DNAH10: variants seen among roughly 807,000 people sequenced by gnomAD.
DNAH10 encodes the protein dynein axonemal heavy chain 10.
Under a neutral mutation model 506.6 loss-of-function variants are expected in DNAH10, and 348 were observed. That is an observed-to-expected ratio of 0.69 (90% CI 0.63 to 0.75). DNAH10 has a LOEUF of 0.75. Among genes scored for constraint, DNAH10 ranks in the 30% least tolerant of loss-of-function variants. The pLI, the probability that DNAH10 is intolerant of heterozygous loss-of-function variation, is 0.00. For missense variants in DNAH10, 5,179 were observed against 5,787.1 expected, an observed-to-expected ratio of 0.89 and a Z score of 3.41; for synonymous variants, 2,059 against 2,198.6, an observed-to-expected ratio of 0.94 and a Z score of 1.78.
rs745458180 is a variant in DNAH10 at position 123,916,493 on chromosome 12, C to G, written c.10759C>G (p.Leu3587Val). ...SFNDPDFLKQLEMSIKYGTPF... is the reference protein window; with the variant it reads ...SFNDPDFLKQVEMSIKYGTPF... ...TAATGACCCTGACTTCCTCAAGCAGCTAGAGATGTCCATAAAGTACGGGAC... is the reference window on the plus strand; with the variant it reads ...TAATGACCCTGACTTCCTCAAGCAGGTAGAGATGTCCATAAAGTACGGGAC... Residue 3587 changes from leucine to valine, a missense_variant, in exon 63 of 79, where the codon CTA (leucine) becomes GTA (valine). Transcript: ENST00000673944. The surrounding 1 kb of genome is among the most constrained non-coding windows in gnomAD (Gnocchi z 4.6). The G allele has an allele frequency of 3.1e-6, 5 of 1,613,468 alleles. No homozygotes were observed. The highest frequency in any genetic ancestry group is 4.2e-6 in the Non-Finnish European group (5 of 1,179,710).
At position 123,875,371 on chromosome 12, in the gene DNAH10, A is replaced by C. The variant is rs992652399; in HGVS notation, c.8079A>C (p.Gly2693=). 2.5e-6 allele frequency: 4 copies of C among 1,614,042 alleles called. No homozygotes were observed. Reference sequence around the variant, plus strand: ...TTATTGCTGCAATGGGAAAGGCTGGAGGAGGCCGCAATGAAGTTGACCCAA... The same window carrying C: ...TTATTGCTGCAATGGGAAAGGCTGGCGGAGGCCGCAATGAAGTTGACCCAA... ...LGFIAAMGKA[G]GGRNEVDPRF... is the part of the protein sequence containing the mutation. Residue 2693 remains glycine (G), a synonymous_variant, in exon 47 of 79, where the codon GGA becomes GGC. Transcript: ENST00000673944.
intron 53 of DNAH10, 40 bp from the exon 54 acceptor site, chr12:123,894,603 C>T (rs1953136126): frequency 6.3e-7 from 1 of 1,588,684 alleles, no homozygotes; most frequent in African/African-American, 1.3e-5. Flanking sequence ...CCACATTGCC[C>T]AGGCTGGGAG....
intron 56 of DNAH10, 94 bp downstream of exon 56, chr12:123,898,908 G>A (rs1011728834): frequency 1.4e-6 from 2 of 1,444,920 alleles, no homozygotes; most frequent in Non-Finnish European, 1.8e-6. Flanking sequence ...ATCCCGAGCA[G>A]GACAGGGCTC....
chr12:123,923,722 G>T, intron 65 of DNAH10, 41 bp from the exon 66 acceptor site: 1 of 1,455,780 alleles, frequency 6.9e-7, no homozygotes, highest in Non-Finnish European at 9.4e-7. Flanking sequence ...TTTTAAAAAT[G>T]AATTTTAAGA....
rs1326774013 is a variant in DNAH10, at chr12:123,813,405, T to A, written c.3386T>A (p.Phe1129Tyr). Residue 1129 changes from phenylalanine (F) to tyrosine (Y), a missense_variant, in exon 20 of 79, where the codon TTT (phenylalanine) becomes TAT (tyrosine). Physicochemically the swap from Phe to Tyr is conservative, Grantham distance 22. Around this residue, in one of 3 missense-constraint regions of DNAH10, gnomAD observed 4,844 missense variants for 5,430.5 expected, o/e 0.89. Transcript: ENST00000673944. ...GACAAAGCTATTGTGATGGAGAAAT[T>A]TGCTGCCAAGAAACCTCCTTGTGTA... ...KLDKAIVMEK[F>Y]AAKKPPCVAY... 6.2e-7 allele frequency: 1 copy of A among 1,614,120 alleles called. No individual in the cohort carries two copies. Among genetic ancestry groups the A allele is most frequent in the African/African-American group, 1.3e-5 (1 of 74,938 alleles).
chr12:123,799,414 A>G (rs901868043), intron 14 of DNAH10, 43 bp downstream of exon 14: 4 of 1,586,704 alleles, frequency 2.5e-6, no homozygotes, highest in African/African-American at 1.3e-5. Context: ...GCGTGAGACG[A>G]TGGCGTCTGC....
In DNAH10 at chr12:123,861,129, C is replaced by T. The variant is rs1476123633; in HGVS notation, c.6867C>T (p.Ile2289=). Residue 2289 remains isoleucine, a synonymous_variant, in exon 39 of 79, where the codon ATC becomes ATT. Coordinates refer to ENST00000673944, the MANE Select transcript of DNAH10 (RefSeq NM_001372106.1). Reference sequence around the variant, plus strand: ...GGACAGATGGGGTGTTGTCAAACATCTTCAGGGAAATCAACAAGCCAACAG... The same window carrying T: ...GGACAGATGGGGTGTTGTCAAACATTTTCAGGGAAATCAACAAGCCAACAG... ...RDWTDGVLSN[I]FREINKPTDK... is the part of the protein sequence containing the mutation. The T allele has an allele frequency of 1.2e-6, 2 of 1,613,876 alleles. No homozygotes were observed. The highest frequency in any genetic ancestry group is 1.7e-6 in the Non-Finnish European group (2 of 1,179,844).
rs375900446 is a variant in DNAH10 at position 123,841,434 on chromosome 12, G to A, written c.5249G>A (p.Arg1750Gln). The change falls in exon 30 of 79, where the codon CGG becomes CAG. Residue 1750 changes from arginine (R) to glutamine (Q), a missense_variant. Transcript: ENST00000673944. ...GEVMEFRKIL[R>Q]AEGRVEDWMT... is the part of the protein sequence containing the mutation. ...GTCATGGAGTTTCGGAAGATCTTGC[G>A]GGCTGAAGGGCGCGTGGAGGACTGG... 1.5e-5 allele frequency: 24 copies of A among 1,613,934 alleles called. No homozygotes were observed. Among genetic ancestry groups the A allele is most frequent in the East Asian group, 2.2e-5 (1 of 44,886 alleles).
chr12:123,801,984 A>C (rs769289441), intron 16 of DNAH10, among the ~76,000 whole-genome samples: 1 of 152,220 alleles, frequency 6.6e-6, no homozygotes, highest in Non-Finnish European at 1.5e-5. Flanking sequence ...AGAGTGTTAT[A>C]TAAATGAGAT....
In DNAH10 at chr12:123,935,093, G is replaced by A. The variant is rs74853024; in HGVS notation, c.13624-242G>A. On this transcript the variant is annotated intron_variant, in intron 78 of 78. Transcript: ENST00000673944. ...GAGTCATAAAGTGGTTCCCGCTGGT[G>A]TGGACAGCAGATGTCTTCTGCTCTG... 7.3e-4 allele frequency: 441 copies of A among 600,056 alleles called. 2 individuals carry two copies. In the East Asian group the frequency reaches 0.011, roughly 16 times the overall value. 37.2% of individuals were successfully genotyped at this position (600,056 alleles called of 1,614,324 possible).
intron 11 of DNAH10, among the ~76,000 whole-genome samples, chr12:123,791,143 A>G (rs1958064558): frequency 6.6e-6 from 1 of 152,086 alleles, no homozygotes; most frequent in Admixed American, 6.5e-5. Context: ...AAAAAACCCA[A>G]AAAACAAAAA....
At chr12:123,885,386 C>T (rs923732529) in intron 51 of DNAH10, among the ~76,000 whole-genome samples, 5 of 152,186 alleles carry the variant, frequency 3.3e-5, no homozygotes, top group Admixed American at 2.0e-4. Flanking sequence ...TTTCCAATGG[C>T]GGGCATTTAG....
In DNAH10 at chr12:123,898,621, C is replaced by T. The variant is rs772077308; in HGVS notation, c.9479-32C>T. On this transcript the variant is annotated intron_variant, in intron 55 of 78. Coordinates refer to ENST00000673944, the MANE Select transcript of DNAH10 (RefSeq NM_001372106.1). Reference sequence around the variant, plus strand: ...ATTGTGTTGCGAACAGTGGCCACCTCGACGATGAACATAGGTGCCCTCTTT... The same window carrying T: ...ATTGTGTTGCGAACAGTGGCCACCTTGACGATGAACATAGGTGCCCTCTTT... 1.3e-4 allele frequency: 188 copies of T among 1,474,844 alleles called. 1 individual carries two copies. Among genetic ancestry groups the T allele is most frequent in the Middle Eastern group, 1.8e-4 (1 of 5,644 alleles). The allele number at this position is 1,474,844 out of a possible 1,614,324, so 91.4% of individuals were successfully genotyped here. A position where few individuals can be genotyped will look rare whatever the true frequency, so the allele number is the denominator to read the frequency against.
rs760524669 is a variant in DNAH10 at position 123,933,337 on chromosome 12, G to A, written c.13303G>A (p.Glu4435Lys). The A allele has an allele frequency of 1.2e-5, 19 of 1,567,972 alleles. No homozygotes were observed. Among genetic ancestry groups the A allele is most frequent in the South Asian group, 9.3e-5 (8 of 86,076 alleles). ...TGTCCTCTCTTCTCTCCAGGTGACCGAGAGCGAGCCCAGCGTGATGTGGCT... is the reference window on the plus strand; with the variant it reads ...TGTCCTCTCTTCTCTCCAGGTGACCAAGAGCGAGCCCAGCGTGATGTGGCT... ...RFSQYMLWVT[E>K]SEPSVMWLSG... The change falls in exon 77 of 79, where the codon GAG (glutamate) becomes AAG (lysine). Residue 4435 changes from glutamate (E) to lysine (K), a missense_variant. By Grantham distance (56) the Glu-to-Lys change is moderately conservative. Around this residue, in one of 3 missense-constraint regions of DNAH10, gnomAD observed 4,844 missense variants for 5,430.5 expected, o/e 0.89. Coordinates refer to ENST00000673944, the MANE Select transcript of DNAH10 (RefSeq NM_001372106.1).
chr12:123,869,768 C>T (rs913531061), intron 43 of DNAH10, among the ~76,000 whole-genome samples: 7 of 152,200 alleles, frequency 4.6e-5, no homozygotes, highest in African/African-American at 1.7e-4. Context: ...TGTTCAGTCT[C>T]CGCCTCTCTA....
intron 57 of DNAH10, chr12:123,908,295 C>G (rs556398333): frequency 1.6e-4 from 71 of 455,492 alleles, no homozygotes; most frequent in African/African-American, 1.2e-3. Context: ...TGTGTCTCCC[C>G]CTCTGTCCCT....
intron 51 of DNAH10, among the ~76,000 whole-genome samples, chr12:123,883,310 C>T (rs1176827893): frequency 6.6e-6 from 1 of 152,222 alleles, no homozygotes. Context: ...CACCGTTTTC[C>T]ATTCCTACCA....
At chr12:123,802,324 A>G (rs1430007541) in intron 16 of DNAH10, among the ~76,000 whole-genome samples, 2 of 152,110 alleles carry the variant, frequency 1.3e-5, no homozygotes, top group Non-Finnish European at 2.9e-5. Flanking sequence ...TGTTGTTTTG[A>G]GATGGAGTTT....
Position 123,813,505 on chromosome 12 carries a change from G to A in DNAH10, c.3486G>A (p.Glu1162=). 1.9e-6 allele frequency: 3 copies of A among 1,614,200 alleles called. No individual in the cohort carries two copies. The highest frequency in any genetic ancestry group is 2.5e-6 in the Non-Finnish European group (3 of 1,180,038). Residue 1162 remains glutamate (E), a synonymous_variant, in exon 20 of 79, where the codon GAG becomes GAA. Coordinates refer to ENST00000673944, the MANE Select transcript of DNAH10 (RefSeq NM_001372106.1). ...TGCGCCACCCTCTAATTAAGGATGA[G>A]CATTGCATCAGACTTCAGCTCAGGC... The part of the protein sequence containing the change: ...EVMRHPLIKD[E]HCIRLQLRHL...
Sources: gnomAD v4.1 joint callset for allele counts (sites outside exome capture counted in the v4.1 genomes callset) on GRCh38, gnomAD v4.1.1 for gene constraint, gnomAD v4.1.1 regional missense constraint, Gnocchi (gnomAD v3.1) non-coding constraint, MANE v1.5 for transcripts, NCBI Gene and HGNC (gene_info 2026-07-23, HGNC 2026-07-21) for gene names.